DOCK1: variants seen among roughly 807,000 people sequenced by gnomAD.
DOCK1 encodes dedicator of cytokinesis 1.
DOCK1 carries 138 observed loss-of-function variants against 262.7 expected under a neutral mutation model. The observed-to-expected ratio is 0.53, with a 90% CI of 0.46 to 0.61. The LOEUF (loss-of-function observed/expected upper bound fraction) is 0.61, where lower values mean the gene tolerates loss of function less well. DOCK1 is among the 20% of genes least tolerant of loss of function. The pLI is 0.00. For missense variants in DOCK1, 1,908 were observed against 2,370.7 expected, an observed-to-expected ratio of 0.80 and a Z score of 4.05; for synonymous variants, 866 against 867.4, an observed-to-expected ratio of 1.00 and a Z score of 0.03.
At chr10:126,916,522 A>G (rs1436725215) in intron 1 of DOCK1, among the ~76,000 whole-genome samples, 2 of 152,198 alleles carry the variant, frequency 1.3e-5, no homozygotes, top group African/African-American at 4.8e-5. Flanking sequence ...TATAGAGACG[A>G]ATGGTGATGA....
chr10:127,032,231 A>G lies in DOCK1; in HGVS notation c.1823A>G (p.Lys608Arg). ...GAAAAGGGCCACTCGGCCACCGGCA[A>G]GAGCATGCAGAGCCTTGGGAGCTGC... ...LEEKGHSATGKSMQSLGSCTI... is the reference protein window; with the variant it reads ...LEEKGHSATGRSMQSLGSCTI... Residue 608 changes from lysine (K) to arginine (R), a missense_variant, in exon 18 of 52, where the codon AAG (lysine) becomes AGG (arginine). Physicochemically the swap from Lys to Arg is conservative, Grantham distance 26. Transcript: ENST00000623213. 6.2e-7 allele frequency: 1 copy of G among 1,600,876 alleles called. No homozygotes were observed.
chr10:127,026,272 C>T (rs141260674), intron 15 of DOCK1, 80 bp from the exon 16 acceptor site: 2 of 1,286,798 alleles, frequency 1.6e-6, no homozygotes, highest in Non-Finnish European at 2.2e-6. Context: ...ACAGTTGTAC[C>T]TGATAGCTCC....
intron 40 of DOCK1, among the ~76,000 whole-genome samples, chr10:127,404,982 C>T (rs1281561629): frequency 1.3e-5 from 2 of 152,128 alleles, no homozygotes; most frequent in East Asian, 1.9e-4. Flanking sequence ...TTCACTCGGC[C>T]GAATGTCTTC....
intron 21 of DOCK1, among the ~76,000 whole-genome samples, chr10:127,046,027 C>A (rs985782482): frequency 1.3e-5 from 2 of 151,986 alleles, no homozygotes; most frequent in African/African-American, 4.8e-5. Flanking sequence ...TTTTTGCTGT[C>A]TAATTCCAGG....
chr10:127,280,009 CATATATATATAT>C (rs10525314), intron 29 of DOCK1, among the ~76,000 whole-genome samples: 4 of 114,336 alleles, frequency 3.5e-5, no homozygotes, highest in South Asian at 2.7e-4. Flanking sequence ...AATTTTATTT[CATATATATATAT>C]ATATATATAT....
At chr10:126,943,978 G>T (rs1251179807) in intron 1 of DOCK1, among the ~76,000 whole-genome samples, 1 of 152,100 alleles carries the variant, frequency 6.6e-6, no homozygotes, top group African/African-American at 2.4e-5. Flanking sequence ...CAGAGTGGAT[G>T]ATTCTTGAAG....
intron 8 of DOCK1, 124 bp downstream of exon 8, chr10:126,998,373 A>G: frequency 7.5e-7 from 1 of 1,331,038 alleles, no homozygotes; most frequent in Non-Finnish European, 1.0e-6. Flanking sequence ...GGACACGAGC[A>G]AGCAGCCGAG....
At chr10:126,942,164 C>T (rs1210221933) in intron 1 of DOCK1, among the ~76,000 whole-genome samples, 2 of 152,242 alleles carry the variant, frequency 1.3e-5, no homozygotes, top group East Asian at 3.9e-4. Flanking sequence ...AGCGGGACTA[C>T]AGGCGCCCGC....
chr10:127,128,544 C>T (rs2050116763), intron 27 of DOCK1, among the ~76,000 whole-genome samples: 8 of 152,002 alleles, frequency 5.3e-5, no homozygotes, highest in Admixed American at 5.2e-4. Context: ...TCCATTTGCC[C>T]CCCACTCCCC....
chr10:127,376,276 G>A (rs1157653262), intron 35 of DOCK1, among the ~76,000 whole-genome samples: 1 of 152,204 alleles, frequency 6.6e-6, no homozygotes, highest in African/African-American at 2.4e-5. Flanking sequence ...CACTGTAACA[G>A]TGTGAAGAAT....
At chr10:127,339,553 C>T (rs376412187) in intron 30 of DOCK1, among the ~76,000 whole-genome samples, 1 of 150,300 alleles carries the variant, frequency 6.7e-6, no homozygotes, top group Admixed American at 6.6e-5. Flanking sequence ...ACCCTGCCCC[C>T]CAGACCCCAT....
Position 127,451,642 on chromosome 10 carries a change from G to C in DOCK1, c.*215G>C. 8.5e-7 allele frequency: 1 copy of C among 1,175,314 alleles called. No individual in the cohort carries two copies. The highest frequency in any genetic ancestry group is 1.1e-6 in the Non-Finnish European group (1 of 872,798). The allele number at this position is 1,175,314 out of a possible 1,614,324, so 72.8% of individuals were successfully genotyped here. The stretch of plus-strand genomic sequence containing the variant: ...GGTCTGGGAGGTAGATATGGGTCCG[G>C]GATGTGCTATCGTAGTTATCAGAGT... On this transcript the variant is annotated 3_prime_UTR_variant, in exon 52 of 52. Transcript: ENST00000623213.
chr10:127,237,794 C>T (rs1160605352), intron 27 of DOCK1, among the ~76,000 whole-genome samples: 1 of 152,134 alleles, frequency 6.6e-6, no homozygotes, highest in Non-Finnish European at 1.5e-5. Flanking sequence ...TAATAACTCC[C>T]TTTTATAATA....
chr10:127,304,743 G>A (rs1270019434), intron 29 of DOCK1, among the ~76,000 whole-genome samples: 2 of 152,058 alleles, frequency 1.3e-5, no homozygotes, highest in Non-Finnish European at 2.9e-5. Context: ...TTAGCTTGGT[G>A]TGGTGGTGCA....
intron 1 of DOCK1, among the ~76,000 whole-genome samples, chr10:126,945,501 C>T (rs1374865028): frequency 1.3e-5 from 2 of 151,620 alleles, no homozygotes; most frequent in East Asian, 1.9e-4. Flanking sequence ...GCACACAAGG[C>T]AGAAGTCAGA....
intron 43 of DOCK1, among the ~76,000 whole-genome samples, chr10:127,414,226 T>A (rs2068029283): frequency 6.6e-6 from 1 of 152,210 alleles, no homozygotes; most frequent in Admixed American, 6.5e-5. Context: ...TTTTCTGGAA[T>A]GACTGGCATT....
chr10:127,328,431 G>A (rs777821451), intron 29 of DOCK1, among the ~76,000 whole-genome samples: 2 of 152,176 alleles, frequency 1.3e-5, no homozygotes, highest in Non-Finnish European at 2.9e-5. Flanking sequence ...GTAAGGATGC[G>A]TTGCTGGATG....
intron 1 of DOCK1, among the ~76,000 whole-genome samples, chr10:126,911,781 T>A (rs1264960256): frequency 6.6e-6 from 1 of 152,186 alleles, no homozygotes; most frequent in Non-Finnish European, 1.5e-5. Flanking sequence ...CTAATTAATG[T>A]ATCTTAAGGC....
chr10:127,175,936 C>G lies in DOCK1; in HGVS notation c.2847+48172C>G. On this transcript the variant is annotated intron_variant, in intron 27 of 51. Coordinates refer to ENST00000623213, the MANE Select transcript of DOCK1 (RefSeq NM_001290223.2). This position sits in a 1 kb window ranked among gnomAD's most constrained non-coding sequence, Gnocchi z 6.3. Reference sequence around the variant, plus strand: ...CATGGCCGGGCCTCCTCCATGGGTCCAGCCTCGTTCTTCTCTTTCGCATCT... The same window carrying G: ...CATGGCCGGGCCTCCTCCATGGGTCGAGCCTCGTTCTTCTCTTTCGCATCT... 6.2e-7 allele frequency: 1 copy of G among 1,614,234 alleles called. No individual in the cohort carries two copies. Among genetic ancestry groups the G allele is most frequent in the Non-Finnish European group, 8.5e-7 (1 of 1,180,048 alleles).
Sources: allele counts gnomAD v4.1 joint callset (sites outside exome capture counted in the v4.1 genomes callset), GRCh38; gene constraint gnomAD v4.1.1; non-coding constraint Gnocchi (gnomAD v3.1); transcripts MANE v1.5; gene names NCBI Gene and HGNC (gene_info 2026-07-23, HGNC 2026-07-21).